The following MYL3 variants were observed in gnomAD, a reference collection of about 807,000 sequenced individuals.
The protein encoded by MYL3 is CMLC1.
Under a neutral mutation model 21.3 loss-of-function variants are expected in MYL3, and 11 were observed. The ratio of observed to expected loss-of-function variants is 0.52; its 90% CI spans 0.32 to 0.85. The LOEUF (loss-of-function observed/expected upper bound fraction) is 0.85, where lower values mean the gene tolerates loss of function less well. MYL3 is among the 40% of genes least tolerant of loss of function. The probability of loss-of-function intolerance (pLI) is 0.03; values close to 1 mark genes in which losing one functional copy is unlikely to be tolerated. For missense variants in MYL3, 206 were observed against 253.3 expected (o/e 0.81, Z 1.27); for synonymous variants, 88 against 91.6 (o/e 0.96, Z 0.22).
Position 46,859,800 on chromosome 3 carries a change from T to C in MYL3, c.308-152A>G. On this transcript the variant is annotated intron_variant, in intron 3 of 6. Transcript: ENST00000292327. This position sits in a 1 kb window ranked among gnomAD's most constrained non-coding sequence, Gnocchi z 4.1. ...CAGCAGTCTACACCAGTTTGCCATTTAAAAGCAAACTACCATCGCGAGGCA... is the reference window on the plus strand; with the variant it reads ...CAGCAGTCTACACCAGTTTGCCATTCAAAAGCAAACTACCATCGCGAGGCA... 1 of 917,486 alleles carries C rather than the reference T, an allele frequency of 1.1e-6. No individual in the cohort carries two copies. Among genetic ancestry groups the C allele is most frequent in the South Asian group, 1.4e-5 (1 of 72,706 alleles). 56.8% of individuals were successfully genotyped at this position (917,486 alleles called of 1,614,324 possible). A position where few individuals can be genotyped will look rare whatever the true frequency, so the allele number is the denominator to read the frequency against.
At chr3:46,880,469 G>A (rs112297326) in intron 1 of MYL3, among the ~76,000 whole-genome samples, 242 of 152,324 alleles carry the variant, frequency 1.6e-3, no homozygotes, top group African/African-American at 5.4e-3. Context: ...GCCAAGGCTG[G>A]TGGTTCATAC....
Position 46,859,363 on chromosome 3 carries a change from T to C in MYL3, c.481+112A>G. Reference sequence around the variant, plus strand: ...GTTGTCTGCCATTGAGGCTCCCTAATTATGTAACTCTCTCCATTTCACCAA... The same window carrying C: ...GTTGTCTGCCATTGAGGCTCCCTAACTATGTAACTCTCTCCATTTCACCAA... On this transcript the variant is annotated intron_variant, in intron 4 of 6. Coordinates refer to ENST00000292327, the MANE Select transcript of MYL3 (RefSeq NM_000258.3). The surrounding 1 kb of genome is among the most constrained non-coding windows in gnomAD (Gnocchi z 4.1). 1 of 1,384,106 alleles carries C rather than the reference T, an allele frequency of 7.2e-7. No homozygotes were observed. Among genetic ancestry groups the C allele is most frequent in the Non-Finnish European group, 1.0e-6 (1 of 985,078 alleles). The allele number at this position is 1,384,106 out of a possible 1,614,324, so 85.7% of individuals were successfully genotyped here.
chr3:46,863,574 G>A (rs1442728389), upstream of MYL3: 51 of 625,328 alleles, frequency 8.2e-5, no homozygotes, highest in Non-Finnish European at 1.1e-5. Flanking sequence ...TTTGGGGCCT[G>A]GGGAGGGCAT....
upstream of MYL3, among the ~76,000 whole-genome samples, chr3:46,867,252 C>T (rs925346346): frequency 4.6e-5 from 7 of 152,058 alleles, no homozygotes; most frequent in Non-Finnish European, 8.8e-5. Context: ...ACCCCAGATC[C>T]AGGACTCAAG....
rs1233880264 is a variant in MYL3, at chr3:46,874,451, G to C, written c.-218+7623C>G. On this transcript the variant is annotated intron_variant, in intron 1 of 3. Transcript: ENST00000431168. The surrounding 1 kb of genome is among the most constrained non-coding windows in gnomAD (Gnocchi z 4.1). ...TGTCAGGACTAGGGGTTCTCCACTC[G>C]AGGGCTCCCGGCCACAGCCCCCGGC... 1.3e-5 allele frequency among the ~76,000 whole-genome samples: 2 copies of C among 152,126 alleles called. No individual in the cohort carries two copies. Among genetic ancestry groups the C allele is most frequent in the Non-Finnish European group, 2.9e-5 (2 of 68,024 alleles).
intron 1 of MYL3, among the ~76,000 whole-genome samples, chr3:46,875,207 A>C (rs2030143638): frequency 1.3e-5 from 2 of 152,238 alleles, no homozygotes; most frequent in African/African-American, 2.4e-5. Flanking sequence ...AAGAAAGCAC[A>C]GAGATGGGCA....
chr3:46,869,242 G>C (rs1165953310), intron 1 of MYL3, among the ~76,000 whole-genome samples: 1 of 151,336 alleles, frequency 6.6e-6, no homozygotes. Flanking sequence ...GTCCTTGGAA[G>C]AAAAAAAAAG....
At chr3:46,871,243 C>T (rs974973163) in intron 1 of MYL3, among the ~76,000 whole-genome samples, 3 of 152,022 alleles carry the variant, frequency 2.0e-5, no homozygotes, top group East Asian at 1.9e-4. Flanking sequence ...CTGCCTGGCA[C>T]GGTAGTGTCC....
intron 1 of MYL3, among the ~76,000 whole-genome samples, chr3:46,862,298 G>T (rs1214532413): frequency 2.0e-5 from 3 of 152,248 alleles, no homozygotes; most frequent in Non-Finnish European, 4.4e-5. Flanking sequence ...TGCAAGAGGG[G>T]ACTTGCTGTT....
rs1280893050 is a variant in MYL3 at position 46,860,671 on chromosome 3, AC to A, written c.307+4del. 6.2e-7 allele frequency: 1 copy of A among 1,613,320 alleles called. No individual in the cohort carries two copies. The highest frequency in any genetic ancestry group is 1.7e-5 in the Admixed American group (1 of 59,994). ...ACTATGGGGGCTCTCGGGCAGGTGC[AC>A]TACCTTCCTGTCTTGGCTTCCCCAG... On this transcript the variant is annotated splice_donor_region_variant and intron_variant, in intron 3 of 6. Transcript: ENST00000292327. This position sits in a 1 kb window ranked among gnomAD's most constrained non-coding sequence, Gnocchi z 4.6.
At chr3:46,858,205 G>T (rs760847468) in intron 6 of MYL3, 26 bp downstream of exon 6, 14 of 1,613,358 alleles carry the variant, frequency 8.7e-6, no homozygotes, top group Non-Finnish European at 1.2e-5. Flanking sequence ...TGGCAGCAGC[G>T]GGTTCAGGAG....
chr3:46,862,290 C>T (rs1256663633), intron 1 of MYL3, among the ~76,000 whole-genome samples: 1 of 152,212 alleles, frequency 6.6e-6, no homozygotes, highest in African/African-American at 2.4e-5. Flanking sequence ...AGCAGCCCTG[C>T]AAGAGGGGAC....
At position 46,874,234 on chromosome 3, in the gene MYL3, A is replaced by G. The variant is rs543240183; in HGVS notation, c.-217-7634T>C. On this transcript the variant is annotated intron_variant, in intron 1 of 3. Coordinates refer to the MYL3 transcript ENST00000431168. The surrounding 1 kb of genome is among the most constrained non-coding windows in gnomAD (Gnocchi z 4.1). ...CTGGGCCAGGCTTGGTGCAGCCTGC[A>G]GGATGGCCAGGCAGACACAACCCTG... 2.6e-5 allele frequency among the ~76,000 whole-genome samples: 4 copies of G among 152,316 alleles called. No homozygotes were observed. The East Asian group carries it at 5.8e-4, about 22-fold the overall frequency.
chr3:46,863,383 G>T lies in MYL3; in HGVS notation c.8C>A (p.Pro3His), dbSNP rs536404643. ...ATCCTTCTTGGGCTCTGGCTTTTTG[G>T]GGGCCATTGGGGGCTGTAAGTACAG... is the stretch of plus-strand genomic sequence containing the variant. MAPKKPEPKKDDA... is the reference protein window; with the variant it reads MAHKKPEPKKDDA... Residue 3 changes from proline to histidine, a missense_variant, in exon 1 of 7, where the codon CCC (proline) becomes CAC (histidine). Transcript: ENST00000292327. The T allele has an allele frequency of 1.9e-6, 3 of 1,613,224 alleles. No individual in the cohort carries two copies. In the South Asian group the frequency reaches 3.3e-5, roughly 18 times the overall value.
rs186573167 is a variant in MYL3 at position 46,879,807 on chromosome 3, C to T, written c.-218+2267G>A. Reference sequence around the variant, plus strand: ...TTGTAATCTCAACACTTTGGGAGGCCGAGACAGGATCACTTGAGGCCAGGA... The same window carrying T: ...TTGTAATCTCAACACTTTGGGAGGCTGAGACAGGATCACTTGAGGCCAGGA... On this transcript the variant is annotated intron_variant, in intron 1 of 3. Coordinates refer to the MYL3 transcript ENST00000431168. This position sits in a 1 kb window ranked among gnomAD's most constrained non-coding sequence, Gnocchi z 4.7. 8.0e-4 allele frequency among the ~76,000 whole-genome samples: 121 copies of T among 152,126 alleles called. No individual in the cohort carries two copies. Among genetic ancestry groups the T allele is most frequent in the African/African-American group, 2.8e-3 (115 of 41,480 alleles).
chr3:46,866,500 C>T (rs908500932), upstream of MYL3: 2 of 152,244 alleles, frequency 1.3e-5, no homozygotes, highest in Non-Finnish European at 2.9e-5. Flanking sequence ...CTTCTGGGCT[C>T]TTGTTACCTG....
chr3:46,875,572 C>G (rs1559523409), intron 1 of MYL3, among the ~76,000 whole-genome samples: 2 of 152,232 alleles, frequency 1.3e-5, no homozygotes, highest in Admixed American at 6.5e-5. Context: ...TTGATGGCCT[C>G]GTGGCCATGG....
At chr3:46,865,175 C>A (rs777793110), upstream of MYL3, among the ~76,000 whole-genome samples, 1 of 152,200 alleles carries the variant, frequency 6.6e-6, no homozygotes, top group Admixed American at 6.5e-5. The surrounding 1 kb of genome is among the most constrained non-coding windows in gnomAD (Gnocchi z 4.3). Context: ...GGACAGCAGT[C>A]CAGGGCTGGG....
intron 1 of MYL3, among the ~76,000 whole-genome samples, chr3:46,862,390 C>T (rs182297747): frequency 6.6e-6 from 1 of 152,320 alleles, no homozygotes; most frequent in Non-Finnish European, 1.5e-5. Flanking sequence ...GATTTGAACC[C>T]TTGCCTCAAA....
Sources: gnomAD v4.1 joint callset for allele counts (sites outside exome capture counted in the v4.1 genomes callset) on GRCh38, gnomAD v4.1.1 for gene constraint, Gnocchi (gnomAD v3.1) non-coding constraint, MANE v1.5 for transcripts, NCBI Gene and HGNC (gene_info 2026-07-23, HGNC 2026-07-21) for gene names.